Variants in ADCY5 observed in about 807,000 individuals in gnomAD.
ADCY5 encodes adenylate cyclase 5, also known as adenylate cyclase type 5.
ADCY5 carries 30 observed loss-of-function variants against 119.7 expected under a neutral mutation model. That is an observed-to-expected ratio of 0.25 (90% confidence interval 0.19 to 0.34). The LOEUF is 0.34. Among genes scored for constraint, ADCY5 ranks in the 10% least tolerant of loss-of-function variants. The pLI, the probability that ADCY5 is intolerant of heterozygous loss-of-function variation, is 1.00. For synonymous variants in ADCY5, 753 were observed against 762.2 expected (o/e 0.99, Z 0.20); for missense variants, 1,324 against 1,775.2 (o/e 0.75, Z 4.57).
At chr3:123,308,586 T>C (rs556163134) in intron 12 of ADCY5, among the ~76,000 whole-genome samples, 3 of 151,930 alleles carry the variant, frequency 2.0e-5, no homozygotes, top group Non-Finnish European at 4.4e-5. Flanking sequence ...TCCCAGCACT[T>C]TGGGAGGCCG....
chr3:123,392,135 G>C (rs1392128524), intron 1 of ADCY5, among the ~76,000 whole-genome samples: 1 of 152,194 alleles, frequency 6.6e-6, no homozygotes, highest in Admixed American at 6.5e-5. Flanking sequence ...TGGCAGGAGT[G>C]GGGGAAGCAA....
intron 1 of ADCY5, among the ~76,000 whole-genome samples, chr3:123,353,444 T>C (rs1051416457): frequency 2.0e-5 from 3 of 152,154 alleles, no homozygotes; most frequent in African/African-American, 7.2e-5. Flanking sequence ...GATATCTGAG[T>C]ACATGGGTCC....
intron 1 of ADCY5, among the ~76,000 whole-genome samples, chr3:123,383,358 G>C (rs1458250332): frequency 6.6e-6 from 1 of 152,226 alleles, no homozygotes; most frequent in East Asian, 1.9e-4. Flanking sequence ...CCTCGGGAAT[G>C]TGAAGTACGT....
intron 17 of ADCY5, among the ~76,000 whole-genome samples, chr3:123,294,774 C>T (rs376493685): frequency 4.6e-5 from 7 of 152,066 alleles, no homozygotes; most frequent in African/African-American, 1.7e-4. Flanking sequence ...GGGGAGGGTG[C>T]GCAGGGATGA....
rs7615188 is a variant in ADCY5 at position 123,302,225 on chromosome 3, G to T, written c.2724+830C>A. Among the ~76,000 whole-genome samples the T allele has an allele frequency of 6.9e-3, 1,057 of 152,348 alleles. 9 individuals carry two copies. The highest frequency in any genetic ancestry group is 0.023 in the African/African-American group (963 of 41,570). On this transcript the variant is annotated intron_variant, in intron 14 of 20. Coordinates refer to ENST00000462833, the MANE Select transcript of ADCY5 (RefSeq NM_183357.3). ...TGGAAGCTCAGCCCAGCTGCTGACA[G>T]CGAACTGCTTCCTGGCAAACGCAGT...
At chr3:123,332,037 T>G (rs1347123469) in intron 4 of ADCY5, among the ~76,000 whole-genome samples, 1 of 152,112 alleles carries the variant, frequency 6.6e-6, no homozygotes, top group Non-Finnish European at 1.5e-5. Context: ...GGAATGAACG[T>G]GTCGTTCACC....
At chr3:123,405,665 C>T (rs1016741913) in intron 1 of ADCY5, among the ~76,000 whole-genome samples, 3 of 152,198 alleles carry the variant, frequency 2.0e-5, no homozygotes, top group African/African-American at 7.2e-5. Context: ...GTCAGAGGCT[C>T]GCTTTGTCGT....
chr3:123,447,082 G>A (rs1945829823), intron 1 of ADCY5, among the ~76,000 whole-genome samples: 1 of 152,266 alleles, frequency 6.6e-6, no homozygotes, highest in Non-Finnish European at 1.5e-5. Flanking sequence ...TTGTATATAG[G>A]AACAGAAGCT....
rs1940766384 is a variant in ADCY5, at chr3:123,314,261, C to T, written c.2416G>A (p.Val806Met). The change falls in exon 12 of 21, where the codon GTG (valine) becomes ATG (methionine). Residue 806 changes from valine (V) to methionine (M), a missense_variant. Physicochemically the swap from Val to Met is conservative, Grantham distance 21. Coordinates refer to ENST00000462833, the MANE Select transcript of ADCY5 (RefSeq NM_183357.3). ...TTTACGCAGGAGTAGATCACAGACA[C>T]AAACACCACCAAGGTCAGCAGCAGG... ...CSLLLTLVVF[V>M]SVIYSCVKLF... 1 of 1,613,732 alleles carries T rather than the reference C, an allele frequency of 6.2e-7. No individual in the cohort carries two copies. The highest frequency in any genetic ancestry group is 8.5e-7 in the Non-Finnish European group (1 of 1,179,722).
rs185167599 is a variant in ADCY5 at position 123,315,752 on chromosome 3, C to T, written c.2355-1430G>A. Reference sequence around the variant, plus strand: ...CACCATACCTAGCTGATTTTTGCGTCACCACGCCCGGCTGATTTTTTGCAT... The same window carrying T: ...CACCATACCTAGCTGATTTTTGCGTTACCACGCCCGGCTGATTTTTTGCAT... On this transcript the variant is annotated intron_variant, in intron 11 of 20. Coordinates refer to ENST00000462833, the MANE Select transcript of ADCY5 (RefSeq NM_183357.3). 3.9e-4 allele frequency among the ~76,000 whole-genome samples: 59 copies of T among 152,236 alleles called. No individual in the cohort carries two copies. In the Middle Eastern group the frequency reaches 0.01, roughly 26 times the overall value.
intron 1 of ADCY5, among the ~76,000 whole-genome samples, chr3:123,390,092 C>G (rs181620753): frequency 4.1e-4 from 63 of 152,298 alleles, no homozygotes; most frequent in Non-Finnish European, 1.5e-5. Context: ...TGAGCCATCA[C>G]GATGCCAGTT....
intron 9 of ADCY5, among the ~76,000 whole-genome samples, chr3:123,320,060 C>T (rs1230503750): frequency 6.6e-6 from 1 of 152,220 alleles, no homozygotes; most frequent in Non-Finnish European, 1.5e-5. Context: ...GCCTTGCTGA[C>T]AGGCTTTTCT....
At chr3:123,327,067 T>A (rs1354677645) in intron 7 of ADCY5, among the ~76,000 whole-genome samples, 1 of 152,184 alleles carries the variant, frequency 6.6e-6, no homozygotes, top group Non-Finnish European at 1.5e-5. Flanking sequence ...ATTAAGAGCA[T>A]GGAACATGAC....
intron 19 of ADCY5, among the ~76,000 whole-genome samples, chr3:123,288,471 A>G (rs1938925028): frequency 1.3e-5 from 2 of 152,224 alleles, no homozygotes; most frequent in South Asian, 4.1e-4. Flanking sequence ...GGGAGGAGCA[A>G]CACTCCACCA....
At chr3:123,328,947 T>G (rs1487529823) in intron 5 of ADCY5, 145 bp from the exon 6 acceptor site, 1 of 921,880 alleles carries the variant, frequency 1.1e-6, no homozygotes, top group Non-Finnish European at 1.6e-6. Context: ...CCAAGAACGT[T>G]CAGCCTGAAG....
chr3:123,448,424 C>T lies in ADCY5; in HGVS notation c.122G>A (p.Gly41Asp). The change falls in exon 1 of 21, where the codon GGC (glycine) becomes GAC (aspartate). Residue 41 changes from glycine to aspartate, a missense_variant. Gly to Asp is a moderately conservative substitution (Grantham distance 94). Around this residue, in one of 6 missense-constraint regions of ADCY5, gnomAD observed 585 missense variants for 569.9 expected, o/e 1.03. Coordinates refer to ENST00000462833, the MANE Select transcript of ADCY5 (RefSeq NM_183357.3). ...AWGEADSRANGYPHAPGGSAR... is the reference protein window; with the variant it reads ...AWGEADSRANDYPHAPGGSAR... ...AGAGCCCCCGGGGGCATGGGGGTAGCCATTCGCGCGGGAATCGGCCTCGCC... is the reference window on the plus strand; with the variant it reads ...AGAGCCCCCGGGGGCATGGGGGTAGTCATTCGCGCGGGAATCGGCCTCGCC... The T allele has an allele frequency of 7.3e-7, 1 of 1,373,260 alleles. No homozygotes were observed. The highest frequency in any genetic ancestry group is 3.4e-5 in the Admixed American group (1 of 29,378). 85.1% of individuals were successfully genotyped at this position (1,373,260 alleles called of 1,614,324 possible).
intron 5 of ADCY5, among the ~76,000 whole-genome samples, chr3:123,330,217 A>T (rs919367694): frequency 2.6e-5 from 4 of 152,144 alleles, no homozygotes; most frequent in African/African-American, 4.8e-5. Flanking sequence ...CCCGCCTCTG[A>T]CCTTGCCCTC....
At chr3:123,383,506 C>T (rs4678020) in intron 1 of ADCY5, among the ~76,000 whole-genome samples, 72,143 of 152,064 alleles carry the variant, frequency 0.47, 17,880 homozygotes, top group East Asian at 0.68. Flanking sequence ...GCTCACAGCT[C>T]AGCCTCAATG....
At chr3:123,384,316 G>T (rs1944140459) in intron 1 of ADCY5, among the ~76,000 whole-genome samples, 1 of 152,230 alleles carries the variant, frequency 6.6e-6, no homozygotes, top group South Asian at 2.1e-4. Context: ...ACTTGGGTTA[G>T]ACTTGAGGGT....
Sources: allele counts gnomAD v4.1 joint callset (sites outside exome capture counted in the v4.1 genomes callset), GRCh38; gene constraint gnomAD v4.1.1; regional missense constraint gnomAD v4.1.1; transcripts MANE v1.5; gene names NCBI Gene and HGNC (gene_info 2026-07-23, HGNC 2026-07-21).